ETF1: variants seen among roughly 807,000 people sequenced by gnomAD.
ETF1 encodes eukaryotic translation termination factor 1.
A neutral mutation model predicts 55.1 loss-of-function variants in ETF1; 4 were observed. The observed-to-expected ratio is 0.07, with a 90% CI of 0.04 to 0.17. The LOEUF (loss-of-function observed/expected upper bound fraction) is 0.17, where lower values mean the gene tolerates loss of function less well. Ranked by LOEUF, ETF1 falls within the 10% of genes least tolerant of loss-of-function variation. The pLI is 1.00. For missense variants in ETF1, 142 were observed against 523.6 expected (o/e 0.27, Z 7.11); for synonymous variants, 157 against 182.3 (o/e 0.86, Z 1.12).
intron 4 of ETF1, among the ~76,000 whole-genome samples, chr5:138,515,175 A>G (rs1490363134): frequency 6.6e-6 from 1 of 152,192 alleles, no homozygotes; most frequent in East Asian, 1.9e-4. Flanking sequence ...CATGCCTGCA[A>G]TGGCACTTTG....
chr5:138,531,494 G>C (rs911392537), intron 2 of ETF1, among the ~76,000 whole-genome samples: 2 of 152,070 alleles, frequency 1.3e-5, no homozygotes, highest in Non-Finnish European at 2.9e-5. Flanking sequence ...TTACCAGCCC[G>C]AACACTCACT....
chr5:138,512,984 G>A, intron 5 of ETF1, 30 bp from the exon 6 acceptor site: 8 of 1,482,726 alleles, frequency 5.4e-6, no homozygotes, highest in Non-Finnish European at 5.3e-6. Flanking sequence ...AGAGAAAAAG[G>A]CAATTATTAA....
chr5:138,529,201 G>A (rs999892925), intron 2 of ETF1, among the ~76,000 whole-genome samples: 1 of 151,962 alleles, frequency 6.6e-6, no homozygotes, highest in Non-Finnish European at 1.5e-5. Flanking sequence ...GCAGATTAAC[G>A]TTTTTCCAGT....
rs115743315 is a variant in ETF1, at chr5:138,508,814, G to A, written c.1086C>T (p.Thr362=). The A allele has an allele frequency of 2.4e-4, 382 of 1,613,708 alleles. No individual in the cohort carries two copies. The highest frequency in any genetic ancestry group is 6.6e-4 in the Middle Eastern group (4 of 6,054). Residue 362 remains threonine (T), a splice_region_variant and synonymous_variant, in exon 10 of 11, where the codon ACC becomes ACT. Transcript: ENST00000360541. ...KDKSHFTDKE[T]GQEHELIESM... Reference sequence around the variant, plus strand: ...TCTCGATAAGCTCATGTTCCTGTCCGGTCTACAGGGATGACCATGAGATAC... The same window carrying A: ...TCTCGATAAGCTCATGTTCCTGTCCAGTCTACAGGGATGACCATGAGATAC...
chr5:138,528,725 T>C (rs1765575177), intron 2 of ETF1, among the ~76,000 whole-genome samples: 1 of 152,194 alleles, frequency 6.6e-6, no homozygotes, highest in South Asian at 2.1e-4. Flanking sequence ...ATTAAGTTTC[T>C]GAATTTACCT....
chr5:138,517,362 C>T (rs1285247045), intron 4 of ETF1, among the ~76,000 whole-genome samples, 199 bp downstream of exon 4: 1 of 150,590 alleles, frequency 6.6e-6, no homozygotes, highest in Non-Finnish European at 1.5e-5. Context: ...CAGAGCGAGA[C>T]TCCGTCTAAA....
intron 2 of ETF1, chr5:138,529,513 C>T (rs962173439): frequency 2.8e-6 from 2 of 711,722 alleles, no homozygotes; most frequent in African/African-American, 1.9e-5. Context: ...CAATGTGTCA[C>T]ATGCAGGTTG....
At chr5:138,526,083 T>A (rs1392623965) in intron 2 of ETF1, among the ~76,000 whole-genome samples, 1 of 152,194 alleles carries the variant, frequency 6.6e-6, no homozygotes, top group African/African-American at 2.4e-5. Context: ...ATAAGTTTAA[T>A]ATTGTAGTTA....
rs1346847939 is a variant in ETF1, at chr5:138,537,949, A to G, written c.86+4884T>C. Among the ~76,000 whole-genome samples the G allele has an allele frequency of 2.3e-3, 225 of 96,596 alleles. No individual in the cohort carries two copies. In the Middle Eastern group the frequency reaches 0.061, roughly 26 times the overall value. The allele number at this position is 96,596 out of a possible 152,430, so 63.4% of individuals were successfully genotyped here. A position where few individuals can be genotyped will look rare whatever the true frequency, so the allele number is the denominator to read the frequency against. ...CTCTTGTTGCCCAGGCTGGAGTGCA[A>G]TGGCGCAATCTCGGCTCACCGCAAC... is the stretch of plus-strand genomic sequence containing the variant. On this transcript the variant is annotated intron_variant, in intron 2 of 10. Coordinates refer to ENST00000360541, the MANE Select transcript of ETF1 (RefSeq NM_004730.4).
chr5:138,517,767 T>C (rs925450743), intron 3 of ETF1, 67 bp from the exon 4 acceptor site: 46 of 1,349,942 alleles, frequency 3.4e-5, no homozygotes, highest in Admixed American at 1.3e-4. Flanking sequence ...TAATAGAAAA[T>C]GTTCCCATAG....
chr5:138,537,597 AT>A (rs1004648812), intron 2 of ETF1, among the ~76,000 whole-genome samples: 5 of 151,646 alleles, frequency 3.3e-5, no homozygotes, highest in Non-Finnish European at 7.4e-5. Context: ...TGTTATTATT[AT>A]TTTTTTTGAG....
rs1171405459 is a variant in ETF1 at position 138,507,948 on chromosome 5, TTAAAG to T, written c.*352_*356del. On this transcript the variant is annotated 3_prime_UTR_variant, in exon 11 of 11. Transcript: ENST00000360541. Reference sequence around the variant, plus strand: ...ATTAACTTTTGAAGGTTTACAGCAGTTAAAGTATTTTTGCTTCTATGTATGAAGGT... The same window carrying T: ...ATTAACTTTTGAAGGTTTACAGCAGTTATTTTTGCTTCTATGTATGAAGGT... 9.9e-5 allele frequency: 19 copies of T among 191,962 alleles called. No individual in the cohort carries two copies. Among genetic ancestry groups the T allele is most frequent in the East Asian group, 6.7e-4 (5 of 7,452 alleles). 11.9% of individuals were successfully genotyped at this position (191,962 alleles called of 1,614,324 possible). A position where few individuals can be genotyped will look rare whatever the true frequency, so the allele number is the denominator to read the frequency against.
chr5:138,541,565 A>G, intron 2 of ETF1: 1 of 1,535,232 alleles, frequency 6.5e-7, no homozygotes, highest in Non-Finnish European at 8.7e-7. Context: ...TGTTTCATAT[A>G]ACAGTAATAA....
At chr5:138,543,034 C>T in intron 1 of ETF1, 63 bp downstream of exon 1, 3 of 1,077,184 alleles carry the variant, frequency 2.8e-6, no homozygotes, top group South Asian at 1.4e-5. Context: ...CCCAGAGGCC[C>T]TCTCCTCCCG....
At chr5:138,534,752 T>C (rs1765843453) in intron 2 of ETF1, among the ~76,000 whole-genome samples, 1 of 152,232 alleles carries the variant, frequency 6.6e-6, no homozygotes, top group South Asian at 2.1e-4. Context: ...GTTGTACAAA[T>C]TAGCACCACA....
At chr5:138,525,147 GCTTA>G (rs1346061906) in intron 2 of ETF1, among the ~76,000 whole-genome samples, 2 of 151,388 alleles carry the variant, frequency 1.3e-5, no homozygotes, top group East Asian at 1.9e-4. Context: ...AGAAAAACCA[GCTTA>G]CTATTAATAA....
chr5:138,525,048 T>G (rs1175068251), intron 2 of ETF1, among the ~76,000 whole-genome samples: 1 of 152,122 alleles, frequency 6.6e-6, no homozygotes, highest in Non-Finnish European at 1.5e-5. Flanking sequence ...CCTGACAGTT[T>G]CCCCCATAAA....
intron 2 of ETF1, among the ~76,000 whole-genome samples, chr5:138,532,604 G>C (rs193219810): frequency 5.3e-5 from 8 of 152,206 alleles, no homozygotes; most frequent in African/African-American, 1.9e-4. Context: ...ATCAGATGGG[G>C]TTGAAGTCTT....
At chr5:138,541,633 C>A in intron 2 of ETF1, 1 of 1,523,024 alleles carries the variant, frequency 6.6e-7, no homozygotes, top group Non-Finnish European at 8.8e-7. Flanking sequence ...AAATGACAAT[C>A]CTGGGCTGGA....
Sources: gnomAD v4.1 joint callset for allele counts (sites outside exome capture counted in the v4.1 genomes callset) on GRCh38, gnomAD v4.1.1 for gene constraint, MANE v1.5 for transcripts, NCBI Gene and HGNC (gene_info 2026-07-23, HGNC 2026-07-21) for gene names.